The following FAM193B variants were observed in gnomAD, a reference collection of about 807,000 sequenced individuals.
The protein encoded by FAM193B is protein FAM193B.
In FAM193B, 27 loss-of-function variants were observed where a neutral mutation model predicts 70.7. The ratio of observed to expected loss-of-function variants is 0.38; its 90% CI spans 0.28 to 0.53. The LOEUF (loss-of-function observed/expected upper bound fraction) is 0.53, where lower values mean the gene tolerates loss of function less well. Ranked by LOEUF, FAM193B falls within the 20% of genes least tolerant of loss-of-function variation. The pLI, the probability that FAM193B is intolerant of heterozygous loss-of-function variation, is 0.81. For synonymous variants in FAM193B, 448 were observed against 436.0 expected, an observed-to-expected ratio of 1.03 and a Z score of -0.34; for missense variants, 1,022 against 1,072.5, an observed-to-expected ratio of 0.95 and a Z score of 0.66.
chr5:177,528,968 A>G (rs1185051059), intron 5 of FAM193B, among the ~76,000 whole-genome samples: 1 of 152,120 alleles, frequency 6.6e-6, no homozygotes, highest in East Asian at 1.9e-4. Context: ...GGGACAAGGA[A>G]TTGAGTACTG....
At position 177,524,000 on chromosome 5, in the gene FAM193B, C is replaced by A. The variant is rs577933094; in HGVS notation, c.2329G>T (p.Val777Leu). Residue 777 changes from valine to leucine, a missense_variant, in exon 7 of 9, where the codon GTG (valine) becomes TTG (leucine). Transcript: ENST00000514747. ...DVFLPKDMDG[V>L]EMDETDREVE... ...TCTCGGTCAGTCTCATCCATCTCCA[C>A]CCCGTCCATGTCCTTGGGCAGGAAC... 2 of 1,613,978 alleles carry A rather than the reference C, an allele frequency of 1.2e-6. No individual in the cohort carries two copies. Among genetic ancestry groups the A allele is most frequent in the South Asian group, 1.1e-5 (1 of 91,096 alleles).
chr5:177,529,575 A>G (rs1338051619), intron 5 of FAM193B, among the ~76,000 whole-genome samples: 1 of 152,094 alleles, frequency 6.6e-6, no homozygotes, highest in East Asian at 1.9e-4. Context: ...GCCTCCAGAT[A>G]TATGAGGTAG....
chr5:177,551,318 G>A (rs1382977769), intron 1 of FAM193B, among the ~76,000 whole-genome samples: 1 of 151,848 alleles, frequency 6.6e-6, no homozygotes, highest in Non-Finnish European at 1.5e-5. Flanking sequence ...GGTAGTAACT[G>A]TTTCAGCCTT....
In FAM193B at chr5:177,523,534, G is replaced by A. The variant is rs566975351; in HGVS notation, c.2372+423C>T. Among the ~76,000 whole-genome samples the A allele has an allele frequency of 1.8e-4, 28 of 152,222 alleles. No individual in the cohort carries two copies. The South Asian group carries it at 5.6e-3, about 30-fold the overall frequency. On this transcript the variant is annotated intron_variant, in intron 7 of 8. Coordinates refer to ENST00000514747, the MANE Select transcript of FAM193B (RefSeq NM_001190946.3). ...TCAACTTGGTTACCACCTCTCCTGG[G>A]AAGGCCTCCTGGCCAGCCCCCACCC...
intron 7 of FAM193B, chr5:177,523,357 GTTTT>G: frequency 4.1e-6 from 1 of 246,564 alleles, no homozygotes; most frequent in Middle Eastern, 1.5e-3. Context: ...TATTTTTTGT[GTTTT>G]GTTTTTTTTC....
chr5:177,551,824 G>A (rs1766289848), intron 1 of FAM193B, among the ~76,000 whole-genome samples: 1 of 152,164 alleles, frequency 6.6e-6, no homozygotes, highest in Admixed American at 6.5e-5. Flanking sequence ...GAGTGGCAAT[G>A]GGAGCCAGAG....
intron 1 of FAM193B, chr5:177,553,173 C>A: frequency 2.0e-6 from 2 of 985,662 alleles, no homozygotes; most frequent in Non-Finnish European, 2.4e-6. Flanking sequence ...CTCACATGCA[C>A]AATTCCAGAG....
chr5:177,541,664 C>G (rs1314777508), intron 1 of FAM193B, among the ~76,000 whole-genome samples: 1 of 152,156 alleles, frequency 6.6e-6, no homozygotes. Flanking sequence ...CGTGATCCGC[C>G]CGCCTCGGCC....
chr5:177,550,506 A>G (rs1016660183), intron 1 of FAM193B, among the ~76,000 whole-genome samples: 2 of 152,254 alleles, frequency 1.3e-5, no homozygotes, highest in African/African-American at 4.8e-5. Context: ...CAGTGGAAGA[A>G]TCGGATCTCT....
At position 177,553,851 on chromosome 5, in the gene FAM193B, G is replaced by A. The variant is rs1315773976; in HGVS notation, c.210+398C>T. The A allele has an allele frequency of 3.1e-6, 4 of 1,274,394 alleles. No homozygotes were observed. The African/African-American group carries it at 4.6e-5, about 15-fold the overall frequency. 78.9% of individuals were successfully genotyped at this position (1,274,394 alleles called of 1,614,324 possible). On this transcript the variant is annotated intron_variant, in intron 1 of 8. Coordinates refer to ENST00000514747, the MANE Select transcript of FAM193B (RefSeq NM_001190946.3). Reference sequence around the variant, plus strand: ...TTCCCGGGGGCAGAGGGAAGAGGCTGCAGTCGTCCAGTCCCAGAGCCCCGA... The same window carrying A: ...TTCCCGGGGGCAGAGGGAAGAGGCTACAGTCGTCCAGTCCCAGAGCCCCGA...
At chr5:177,521,832 G>C in intron 8 of FAM193B, 142 bp downstream of exon 8, 1 of 654,226 alleles carries the variant, frequency 1.5e-6, no homozygotes. Flanking sequence ...CCATTGCTGT[G>C]AAGATGCAGA....
rs1175563395 is a variant in FAM193B at position 177,524,536 on chromosome 5, C to T, written c.1945G>A (p.Ala649Thr). The T allele has an allele frequency of 6.2e-7, 1 of 1,611,728 alleles. No homozygotes were observed. Among genetic ancestry groups the T allele is most frequent in the Admixed American group, 1.7e-5 (1 of 59,812 alleles). ...RQGSQAKKSE[A>T]SPAPRPPASL... Reference sequence around the variant, plus strand: ...GCTGGGGGCCGGGGGGCTGGGCTTGCCTCGCTCTTCTTGGCCTGACTGCCC... The same window carrying T: ...GCTGGGGGCCGGGGGGCTGGGCTTGTCTCGCTCTTCTTGGCCTGACTGCCC... The change falls in exon 6 of 9, where the codon GCA becomes ACA. Residue 649 changes from alanine to threonine, a missense_variant. Ala to Thr is a moderately conservative substitution (Grantham distance 58). Coordinates refer to ENST00000514747, the MANE Select transcript of FAM193B (RefSeq NM_001190946.3).
intron 4 of FAM193B, among the ~76,000 whole-genome samples, chr5:177,533,282 T>C (rs190238304): frequency 1.3e-5 from 2 of 152,060 alleles, no homozygotes; most frequent in Non-Finnish European, 2.9e-5. Flanking sequence ...AGAGCCACTG[T>C]TTGTGCCAGG....
chr5:177,541,381 C>T (rs1447668698), intron 1 of FAM193B, among the ~76,000 whole-genome samples: 2 of 152,122 alleles, frequency 1.3e-5, no homozygotes, highest in African/African-American at 4.8e-5. Flanking sequence ...AAAGTCAGTA[C>T]ATACAATTAA....
intron 5 of FAM193B, among the ~76,000 whole-genome samples, chr5:177,530,041 G>T (rs1002696829): frequency 2.0e-5 from 3 of 152,210 alleles, no homozygotes; most frequent in African/African-American, 7.2e-5. Flanking sequence ...GAACTAGCTG[G>T]TTGTTACACC....
At chr5:177,545,696 T>A (rs1259940032) in intron 1 of FAM193B, among the ~76,000 whole-genome samples, 1 of 149,838 alleles carries the variant, frequency 6.7e-6, no homozygotes, top group Non-Finnish European at 1.5e-5. Flanking sequence ...TCTGGGGGCA[T>A]GACTCAATTT....
intron 5 of FAM193B, chr5:177,531,263 G>C: frequency 7.9e-7 from 1 of 1,266,980 alleles, no homozygotes. Context: ...CGGCAGAGCT[G>C]GGCTCTCCCT....
At position 177,549,196 on chromosome 5, in the gene FAM193B, T is replaced by C. The variant is rs1450029639; in HGVS notation, c.210+5053A>G. Among the ~76,000 whole-genome samples, 22 of 148,256 alleles carry C rather than the reference T, an allele frequency of 1.5e-4. 1 individual carries two copies. The highest frequency in any genetic ancestry group is 1.2e-3 in the East Asian group (6 of 5,100). On this transcript the variant is annotated intron_variant, in intron 1 of 8. Coordinates refer to ENST00000514747, the MANE Select transcript of FAM193B (RefSeq NM_001190946.3). ...GACTGGATTGTCTTTTCTTTTTTTT[T>C]TTTTTTTTTTTTTGAGAAAGGAGTC... is the stretch of plus-strand genomic sequence containing the variant.
In FAM193B at chr5:177,524,515, G is replaced by A. The variant is rs1211550738; in HGVS notation, c.1966C>T (p.Pro656Ser). 2.5e-6 allele frequency: 4 copies of A among 1,612,476 alleles called. No individual in the cohort carries two copies. In the African/African-American group the frequency reaches 5.3e-5, roughly 22 times the overall value. ...KSEASPAPRP[P>S]ASLEVPSAKG... ...GCACTGGGAACCTCTAGGCTGGCTGGGGGCCGGGGGGCTGGGCTTGCCTCG... is the reference window on the plus strand; with the variant it reads ...GCACTGGGAACCTCTAGGCTGGCTGAGGGCCGGGGGGCTGGGCTTGCCTCG... The change falls in exon 6 of 9, where the codon CCA (proline) becomes TCA (serine). Residue 656 changes from proline (P) to serine (S), a missense_variant. Physicochemically the swap from Pro to Ser is moderately conservative, Grantham distance 74. Transcript: ENST00000514747.
Sources: allele counts gnomAD v4.1 joint callset (sites outside exome capture counted in the v4.1 genomes callset), GRCh38; gene constraint gnomAD v4.1.1; transcripts MANE v1.5; gene names NCBI Gene and HGNC (gene_info 2026-07-23, HGNC 2026-07-21).